Variants in KIF13A observed in about 807,000 individuals in gnomAD.
The protein encoded by KIF13A is kinesin family member 13A.
A neutral mutation model predicts 212.2 loss-of-function variants in KIF13A; 79 were observed. The observed-to-expected ratio is 0.37, with a 90% CI of 0.31 to 0.45. The LOEUF (loss-of-function observed/expected upper bound fraction) is 0.45, where lower values mean the gene tolerates loss of function less well. Ranked by LOEUF, KIF13A falls within the 20% of genes least tolerant of loss-of-function variation. KIF13A has a pLI of 1.00. For synonymous variants in KIF13A, 789 were observed against 808.6 expected, an observed-to-expected ratio of 0.98 and a Z score of 0.41; for missense variants, 1,901 against 2,209.0, an observed-to-expected ratio of 0.86 and a Z score of 2.79.
intron 4 of KIF13A, among the ~76,000 whole-genome samples, chr6:17,858,914 A>G (rs1046153094): frequency 2.6e-5 from 4 of 152,228 alleles, no homozygotes; most frequent in Non-Finnish European, 5.9e-5. Flanking sequence ...AAAGCCCAAC[A>G]GCTTGAGTTG....
At chr6:17,830,585 G>A (rs1765364107) in intron 13 of KIF13A, among the ~76,000 whole-genome samples, 1 of 152,214 alleles carries the variant, frequency 6.6e-6, no homozygotes, top group African/African-American at 2.4e-5. Flanking sequence ...CTCTACACCT[G>A]AAGGGTGATT....
intron 20 of KIF13A, among the ~76,000 whole-genome samples, chr6:17,802,143 A>G (rs1762515995): frequency 6.6e-6 from 1 of 152,250 alleles, no homozygotes. Context: ...AAGGTAGATC[A>G]GATCCAATTT....
Position 17,783,771 on chromosome 6 carries a change from A to G in KIF13A, c.3489-70T>C, listed in dbSNP as rs1760811032. The G allele has an allele frequency of 9.9e-7, 1 of 1,013,118 alleles. No homozygotes were observed. Among genetic ancestry groups the G allele is most frequent in the South Asian group, 1.4e-5 (1 of 73,284 alleles). The allele number at this position is 1,013,118 out of a possible 1,614,324, so 62.8% of individuals were successfully genotyped here. ...ACATCTTGTTAGCTGATAAAACACCACAGAGCTGTGGAAGCAAAGAGAACC... is the reference window on the plus strand; with the variant it reads ...ACATCTTGTTAGCTGATAAAACACCGCAGAGCTGTGGAAGCAAAGAGAACC... On this transcript the variant is annotated intron_variant, in intron 28 of 38. Coordinates refer to ENST00000259711, the MANE Select transcript of KIF13A (RefSeq NM_022113.6). The surrounding 1 kb of genome is among the most constrained non-coding windows in gnomAD (Gnocchi z 4.3).
Position 17,775,064 on chromosome 6 carries a change from T to C in KIF13A, c.4171-2A>G. 1.9e-6 allele frequency: 3 copies of C among 1,609,998 alleles called. No individual in the cohort carries two copies. The highest frequency in any genetic ancestry group is 2.5e-6 in the Non-Finnish European group (3 of 1,177,702). Reference sequence around the variant, plus strand: ...AAGGTCCGGTCGGCTGGAAGAGACCTATAAGAGAAGAATGGTTTTAGCAAT... The same window carrying C: ...AAGGTCCGGTCGGCTGGAAGAGACCCATAAGAGAAGAATGGTTTTAGCAAT... On this transcript the variant is annotated splice_acceptor_variant, in intron 34 of 38. Transcript: ENST00000259711. LOFTEE classifies it high-confidence loss of function.
intron 9 of KIF13A, among the ~76,000 whole-genome samples, chr6:17,846,359 G>A (rs1291184587): frequency 6.6e-6 from 1 of 151,932 alleles, no homozygotes; most frequent in Non-Finnish European, 1.5e-5. Flanking sequence ...CATGTTATGA[G>A]ACTCTCAGAG....
At position 17,803,435 on chromosome 6, in the gene KIF13A, G is replaced by A. The variant is rs574324979; in HGVS notation, c.2454+926C>T. On this transcript the variant is annotated intron_variant, in intron 20 of 38. Coordinates refer to ENST00000259711, the MANE Select transcript of KIF13A (RefSeq NM_022113.6). ...ACTTACACCCCACAACTGGGAACCC[G>A]GGTCTATATCGCAGCTTCACTTTGG... is the stretch of plus-strand genomic sequence containing the variant. Among the ~76,000 whole-genome samples, 5 of 152,138 alleles carry A rather than the reference G, an allele frequency of 3.3e-5. No individual in the cohort carries two copies. In the South Asian group the frequency reaches 6.2e-4, roughly 19 times the overall value.
Position 17,912,253 on chromosome 6 carries a change from G to C in KIF13A, c.147-14073C>G, listed in dbSNP as rs1390710468. Among the ~76,000 whole-genome samples, 1 of 151,610 alleles carries C rather than the reference G, an allele frequency of 6.6e-6. No individual in the cohort carries two copies. The highest frequency in any genetic ancestry group is 1.9e-4 in the East Asian group (1 of 5,172). On this transcript the variant is annotated intron_variant, in intron 2 of 38. Transcript: ENST00000259711. This position sits in a 1 kb window ranked among gnomAD's most constrained non-coding sequence, Gnocchi z 4.2. ...ACCTACGACATACCCAGAAAAATTA[G>C]AAGTTAAAAAAAAAATACAAGCTTT...
In KIF13A at chr6:17,764,041, C is replaced by T. The variant is rs1198046577; in HGVS notation, c.*69G>A. On this transcript the variant is annotated 3_prime_UTR_variant, in exon 39 of 39. Coordinates refer to ENST00000259711, the MANE Select transcript of KIF13A (RefSeq NM_022113.6). The surrounding 1 kb of genome is among the most constrained non-coding windows in gnomAD (Gnocchi z 5.1). ...GGCTCATCTTTGCTGTCACAAACAA[C>T]TGGATGAATCTTTCCTACCAAGTTG... 4.6e-6 allele frequency: 7 copies of T among 1,534,574 alleles called. No homozygotes were observed. The highest frequency in any genetic ancestry group is 6.1e-6 in the Non-Finnish European group (7 of 1,140,528).
intron 35 of KIF13A, 92 bp downstream of exon 35, chr6:17,774,923 G>C: frequency 4.5e-6 from 4 of 898,462 alleles, no homozygotes; most frequent in Non-Finnish European, 6.9e-6. Flanking sequence ...GGATCAACCA[G>C]GTGAGGCCCA....
chr6:17,836,325 A>G (rs1384508328), intron 11 of KIF13A, among the ~76,000 whole-genome samples: 1 of 152,362 alleles, frequency 6.6e-6, no homozygotes, highest in East Asian at 1.9e-4. Context: ...ATAATAGTTT[A>G]TAATGTTAAT....
rs531663028 is a variant in KIF13A, at chr6:17,853,645, A to G, written c.495-1603T>C. Among the ~76,000 whole-genome samples, 7 of 152,344 alleles carry G rather than the reference A, an allele frequency of 4.6e-5. No homozygotes were observed. The South Asian group carries it at 1.0e-3, about 23-fold the overall frequency. ...TGTAACCATGCAATGAAATGCTAAG[A>G]CAACAGTAAAAATGTATTAGCACTT... On this transcript the variant is annotated intron_variant, in intron 6 of 38. Transcript: ENST00000259711.
At chr6:17,894,502 G>A (rs1372403850) in intron 3 of KIF13A, among the ~76,000 whole-genome samples, 1 of 151,756 alleles carries the variant, frequency 6.6e-6, no homozygotes, top group African/African-American at 2.4e-5. Context: ...TCATAATCAT[G>A]ACTTTTTTTT....
chr6:17,851,816 C>T (rs574935293), intron 7 of KIF13A, 139 bp downstream of exon 7: 32 of 433,650 alleles, frequency 7.4e-5, no homozygotes, highest in African/African-American at 5.5e-4. Flanking sequence ...TCTCTGTTTG[C>T]GGTGTGCTGA....
chr6:17,959,469 A>T (rs943496286), intron 2 of KIF13A, among the ~76,000 whole-genome samples: 9 of 152,252 alleles, frequency 5.9e-5, no homozygotes, highest in Admixed American at 2.0e-4. Flanking sequence ...GTTTCTCTGT[A>T]GGAACACATA....
At chr6:17,804,006 G>A (rs995439965) in intron 20 of KIF13A, among the ~76,000 whole-genome samples, 27 of 152,132 alleles carry the variant, frequency 1.8e-4, no homozygotes, top group African/African-American at 6.0e-4. Flanking sequence ...CAAAAAATTA[G>A]CCCGATATGG....
intron 3 of KIF13A, among the ~76,000 whole-genome samples, chr6:17,874,689 A>G (rs1770341403): frequency 6.6e-6 from 1 of 151,676 alleles, no homozygotes; most frequent in South Asian, 2.1e-4. Context: ...TTTAGTGGTG[A>G]TTTGTGAGAT....
Position 17,771,820 on chromosome 6 carries a change from A to G in KIF13A, c.4476+88T>C. ...GTGATGACCGTGCATGTCCACATGC[A>G]GCACTCAGCTTGTTAATGCACACTG... On this transcript the variant is annotated intron_variant, in intron 37 of 38. Coordinates refer to ENST00000259711, the MANE Select transcript of KIF13A (RefSeq NM_022113.6). This position sits in a 1 kb window ranked among gnomAD's most constrained non-coding sequence, Gnocchi z 5.4. The G allele has an allele frequency of 3.2e-6, 4 of 1,262,768 alleles. No individual in the cohort carries two copies. Among genetic ancestry groups the G allele is most frequent in the South Asian group, 1.3e-5 (1 of 75,600 alleles). The allele number at this position is 1,262,768 out of a possible 1,614,324, so 78.2% of individuals were successfully genotyped here.
chr6:17,856,432 T>C lies in KIF13A; in HGVS notation c.221-310A>G, dbSNP rs1216358195. On this transcript the variant is annotated intron_variant, in intron 4 of 38. Transcript: ENST00000259711. This position sits in a 1 kb window ranked among gnomAD's most constrained non-coding sequence, Gnocchi z 4.5. ...TGGTTGTTTTTTCTTATGACTAATA[T>C]CTACAATGTCATTAAACATGAATTG... Among the ~76,000 whole-genome samples, 1 of 152,224 alleles carries C rather than the reference T, an allele frequency of 6.6e-6. No homozygotes were observed. Among genetic ancestry groups the C allele is most frequent in the East Asian group, 1.9e-4 (1 of 5,196 alleles).
At chr6:17,890,544 G>A (rs571974496) in intron 3 of KIF13A, among the ~76,000 whole-genome samples, 100 of 152,060 alleles carry the variant, frequency 6.6e-4, no homozygotes, top group African/African-American at 2.2e-3. Flanking sequence ...CACAAGTGTC[G>A]TCTTCCTCTG....
Sources: allele counts gnomAD v4.1 joint callset (sites outside exome capture counted in the v4.1 genomes callset), GRCh38; gene constraint gnomAD v4.1.1; non-coding constraint Gnocchi (gnomAD v3.1); transcripts MANE v1.5; gene names NCBI Gene and HGNC (gene_info 2026-07-23, HGNC 2026-07-21).